CIITA: variants seen among roughly 807,000 people sequenced by gnomAD.
The protein encoded by CIITA is class II major histocompatibility complex transactivator.
CIITA carries 72 observed loss-of-function variants against 115.1 expected under a neutral mutation model. That is an observed-to-expected ratio of 0.63 (90% CI 0.52 to 0.76). The LOEUF (loss-of-function observed/expected upper bound fraction) is 0.76. CIITA is among the 30% of genes least tolerant of loss of function. CIITA has a pLI of 0.00. For synonymous variants in CIITA, 763 were observed against 635.6 expected (o/e 1.20, Z -3.02); for missense variants, 1,617 against 1,463.8 (o/e 1.10, Z -1.71).
intron 1 of CIITA, among the ~76,000 whole-genome samples, chr16:10,887,743 C>A (rs910266909): frequency 1.3e-5 from 2 of 152,178 alleles, no homozygotes; most frequent in African/African-American, 4.8e-5. Flanking sequence ...AATCCGCCAG[C>A]CTCGGCCTCT....
chr16:10,885,630 C>T (rs536377348), intron 1 of CIITA, among the ~76,000 whole-genome samples: 36 of 152,276 alleles, frequency 2.4e-4, no homozygotes, highest in Non-Finnish European at 4.6e-4. Flanking sequence ...GGGCTTCTTC[C>T]TCTACATCCA....
In CIITA at chr16:10,922,123, T is replaced by C. The variant is rs572471720; in HGVS notation, c.3150-44T>C. 8.3e-6 allele frequency: 13 copies of C among 1,560,780 alleles called. No homozygotes were observed. In the South Asian group the frequency reaches 1.1e-4, roughly 13 times the overall value. On this transcript the variant is annotated intron_variant, in intron 16 of 19. Coordinates refer to ENST00000324288, the MANE Select transcript of CIITA (RefSeq NM_000246.4). ...ATGGTGGCTTCTGGAAGGCTGACCA[T>C]GCACAGGCCTCCAATCCCTCCCCCT...
chr16:10,898,932 A>T lies in CIITA; in HGVS notation c.366A>T (p.Ile122=), dbSNP rs535705691. 8 of 1,613,962 alleles carry T rather than the reference A, an allele frequency of 5.0e-6. No individual in the cohort carries two copies. The South Asian group carries it at 8.8e-5, about 18-fold the overall frequency. The stretch of plus-strand genomic sequence containing the variant: ...TGGTTTTTCTCAAAGTAGAGCACAT[A>T]GGACCAGATGAAGTGATCGGTGAGA... ...EGLSKDIFKH[I]GPDEVIGESM... is the part of the protein sequence containing the mutation. The change falls in exon 5 of 20, where the codon ATA becomes ATT. Residue 122 remains isoleucine (I), a synonymous_variant. Coordinates refer to ENST00000324288, the MANE Select transcript of CIITA (RefSeq NM_000246.4).
chr16:10,918,478 A>C lies in CIITA; in HGVS notation c.3101A>C (p.Lys1034Thr). 1.2e-6 allele frequency: 2 copies of C among 1,614,112 alleles called. No individual in the cohort carries two copies. Among genetic ancestry groups the C allele is most frequent in the Non-Finnish European group, 1.7e-6 (2 of 1,180,018 alleles). Residue 1034 changes from lysine (K) to threonine (T), a missense_variant, in exon 16 of 20, where the codon AAA (lysine) becomes ACA (threonine). Coordinates refer to ENST00000324288, the MANE Select transcript of CIITA (RefSeq NM_000246.4). ...QNNITDLGAY[K>T]LAEALPSLAA... ...AACATCACTGACCTGGGTGCCTACA[A>C]ACTCGCCGAGGCCCTGCCTTCGCTC...
At chr16:10,877,584 G>A (rs965287772) in intron 1 of CIITA, among the ~76,000 whole-genome samples, 2 of 152,190 alleles carry the variant, frequency 1.3e-5, no homozygotes, top group Non-Finnish European at 2.9e-5. Flanking sequence ...GGTCAGCCAG[G>A]TGTCTGGAGT....
rs1335281063 is a variant in CIITA, at chr16:10,932,842, C to T, written c.*8987C>T. 1.3e-5 allele frequency: 2 copies of T among 151,978 alleles called. No individual in the cohort carries two copies. Among genetic ancestry groups the T allele is most frequent in the Non-Finnish European group, 2.9e-5 (2 of 68,014 alleles). The allele number at this position is 151,978 out of a possible 1,614,324, so 9.4% of individuals were successfully genotyped here. A position where few individuals can be genotyped will look rare whatever the true frequency, so the allele number is the denominator to read the frequency against. ...AGCTGGGACTACAGGCGCATGTCAC[C>T]ATGCCTGGCTAATTGATGTATTTTT... is the stretch of plus-strand genomic sequence containing the variant. On this transcript the variant is annotated 3_prime_UTR_variant, in exon 20 of 20. Coordinates refer to ENST00000324288, the MANE Select transcript of CIITA (RefSeq NM_000246.4).
intron 13 of CIITA, among the ~76,000 whole-genome samples, chr16:10,911,089 G>T (rs1366937223): frequency 5.3e-5 from 8 of 152,250 alleles, no homozygotes; most frequent in African/African-American, 1.7e-4. Context: ...AAGGCTCTAG[G>T]GAGTCCAGTT....
intron 10 of CIITA, among the ~76,000 whole-genome samples, chr16:10,905,455 G>GAGAATTAC (rs2039073003): frequency 6.6e-6 from 1 of 152,156 alleles, no homozygotes. Flanking sequence ...AGCTTAGTGA[G>GAGAATTAC]TAAATGAAGG....
intron 1 of CIITA, among the ~76,000 whole-genome samples, chr16:10,891,792 C>T (rs1252180043): frequency 6.6e-6 from 1 of 152,212 alleles, no homozygotes; most frequent in African/African-American, 2.4e-5. Context: ...AGCTTTGGCC[C>T]TGCTCCAGGA....
chr16:10,923,756 C>T lies in CIITA; in HGVS notation c.*23-122C>T, dbSNP rs972020838. 7.2e-5 allele frequency: 14 copies of T among 195,552 alleles called. No homozygotes were observed. The highest frequency in any genetic ancestry group is 1.2e-4 in the African/African-American group (5 of 42,888). The allele number at this position is 195,552 out of a possible 1,614,324, so 12.1% of individuals were successfully genotyped here. A position where few individuals can be genotyped will look rare whatever the true frequency, so the allele number is the denominator to read the frequency against. On this transcript the variant is annotated intron_variant, in intron 19 of 19. Transcript: ENST00000324288. This position sits in a 1 kb window ranked among gnomAD's most constrained non-coding sequence, Gnocchi z 5.2. ...CCTGTGCTCCCCGCACTGTGCTGCACGTCCACCTCCATTCCACTGCCCCTC... is the reference window on the plus strand; with the variant it reads ...CCTGTGCTCCCCGCACTGTGCTGCATGTCCACCTCCATTCCACTGCCCCTC...
intron 1 of CIITA, 110 bp from the exon 2 acceptor site, chr16:10,895,172 A>T: frequency 7.6e-7 from 1 of 1,309,058 alleles, no homozygotes; most frequent in Non-Finnish European, 1.1e-6. Context: ...GAGCGCTTTT[A>T]TTCACTCCTC....
Position 10,923,479 on chromosome 16 carries a change from C to T in CIITA, c.*22+154C>T, listed in dbSNP as rs2040385501. Among the ~76,000 whole-genome samples, 1 of 152,142 alleles carries T rather than the reference C, an allele frequency of 6.6e-6. No individual in the cohort carries two copies. The highest frequency in any genetic ancestry group is 1.5e-5 in the Non-Finnish European group (1 of 68,020). ...ATCAGAGACATCCCCTCATCTCCAC[C>T]CTGGGCTCGGTGGAGCTGTCCTCCA... On this transcript the variant is annotated intron_variant, in intron 19 of 19. Coordinates refer to ENST00000324288, the MANE Select transcript of CIITA (RefSeq NM_000246.4). This position sits in a 1 kb window ranked among gnomAD's most constrained non-coding sequence, Gnocchi z 5.2.
intron 1 of CIITA, among the ~76,000 whole-genome samples, chr16:10,886,112 A>G (rs374402233): frequency 2.0e-5 from 2 of 100,680 alleles, no homozygotes. Context: ...TGAGTTTTCT[A>G]TTTTTAGTAG....
rs553991231 is a variant in CIITA, at chr16:10,927,791, C to G, written c.*3936C>G. The stretch of plus-strand genomic sequence containing the variant: ...CTAAGTGATACTTATAGTCACACTC[C>G]TATAAAGGAATGGACTTCTGACTTC... On this transcript the variant is annotated 3_prime_UTR_variant, in exon 20 of 20. Transcript: ENST00000324288. 6.6e-6 allele frequency: 1 copy of G among 152,332 alleles called. No individual in the cohort carries two copies. 9.4% of individuals were successfully genotyped at this position (152,332 alleles called of 1,614,324 possible).
rs931498474 is a variant in CIITA, at chr16:10,887,249, G to A, written c.53-8033G>A. Among the ~76,000 whole-genome samples, 3 of 152,226 alleles carry A rather than the reference G, an allele frequency of 2.0e-5. 1 individual carries two copies. In the East Asian group the frequency reaches 5.8e-4, roughly 29 times the overall value. On this transcript the variant is annotated intron_variant, in intron 1 of 19. Transcript: ENST00000324288. ...TTGGGGAGCAGGTTGGTGTTGGGGGGGGCCTTGGGGGAAAGGAAAAGGAGA... is the reference window on the plus strand; with the variant it reads ...TTGGGGAGCAGGTTGGTGTTGGGGGAGGCCTTGGGGGAAAGGAAAAGGAGA...
Position 10,901,218 on chromosome 16 carries a change from T to A in CIITA, c.437-296T>A, listed in dbSNP as rs1254958361. Among the ~76,000 whole-genome samples the A allele has an allele frequency of 6.6e-6, 1 of 152,222 alleles. No homozygotes were observed. Among genetic ancestry groups the A allele is most frequent in the Admixed American group, 6.5e-5 (1 of 15,284 alleles). ...GCAAAGGCACACAGCTAGGAAGCGG[T>A]TCAAAAGCAGGTTCCTTTGTTTTGT... is the stretch of plus-strand genomic sequence containing the variant. On this transcript the variant is annotated intron_variant, in intron 5 of 19. Coordinates refer to ENST00000324288, the MANE Select transcript of CIITA (RefSeq NM_000246.4). This position sits in a 1 kb window ranked among gnomAD's most constrained non-coding sequence, Gnocchi z 6.8.
chr16:10,906,471 C>G (rs755571997), intron 10 of CIITA, 28 bp from the exon 11 acceptor site: 15 of 1,610,320 alleles, frequency 9.3e-6, no homozygotes, highest in Non-Finnish European at 1.0e-5. Context: ...CACATACCCC[C>G]ACCCTGACAC....
At chr16:10,918,366 C>A in intron 15 of CIITA, 74 bp from the exon 16 acceptor site, 1 of 1,304,860 alleles carries the variant, frequency 7.7e-7, no homozygotes, top group South Asian at 1.2e-5. Flanking sequence ...GCCTATGACC[C>A]AGAACTCTCC....
chr16:10,907,397 C>T lies in CIITA; in HGVS notation c.1905C>T (p.Ser635=), dbSNP rs2039243784. ...LELGEDAKLP[S]TLTGLYVGLL... is the part of the protein sequence containing the mutation. ...TTGGGGAGGACGCCAAGCTGCCCTCCACGCTCACGGGACTCTATGTCGGCC... is the reference window on the plus strand; with the variant it reads ...TTGGGGAGGACGCCAAGCTGCCCTCTACGCTCACGGGACTCTATGTCGGCC... The change falls in exon 11 of 20, where the codon TCC becomes TCT. Residue 635 remains serine (S), a synonymous_variant. Transcript: ENST00000324288. The surrounding 1 kb of genome is among the most constrained non-coding windows in gnomAD (Gnocchi z 5.0). 1 of 1,613,218 alleles carries T rather than the reference C, an allele frequency of 6.2e-7. No individual in the cohort carries two copies. Among genetic ancestry groups the T allele is most frequent in the Admixed American group, 1.7e-5 (1 of 59,996 alleles).
Sources: allele counts gnomAD v4.1 joint callset (sites outside exome capture counted in the v4.1 genomes callset), GRCh38; gene constraint gnomAD v4.1.1; non-coding constraint Gnocchi (gnomAD v3.1); transcripts MANE v1.5; gene names NCBI Gene and HGNC (gene_info 2026-07-23, HGNC 2026-07-21).